SNTG1: variants seen among roughly 807,000 people sequenced by gnomAD.
SNTG1 encodes gamma-1-syntrophin.
A neutral mutation model predicts 74.7 loss-of-function variants in SNTG1; 39 were observed. The ratio of observed to expected loss-of-function variants is 0.52; its 90% confidence interval spans 0.40 to 0.68. The LOEUF (loss-of-function observed/expected upper bound fraction) is 0.68, where lower values mean the gene tolerates loss of function less well. Ranked by LOEUF, SNTG1 falls within the 30% of genes least tolerant of loss-of-function variation. The pLI is 0.00. For missense variants in SNTG1, 685 were observed against 609.5 expected (o/e 1.12, Z -1.30); for synonymous variants, 254 against 217.1 (o/e 1.17, Z -1.49).
At chr8:50,239,073 C>T (rs1403989994) in intron 2 of SNTG1, among the ~76,000 whole-genome samples, 1 of 152,096 alleles carries the variant, frequency 6.6e-6, no homozygotes, top group Non-Finnish European at 1.5e-5. Flanking sequence ...ACACGAAAAC[C>T]AGCTTGGAGA....
chr8:50,782,306 A>T (rs1427393932), intron 18 of SNTG1, among the ~76,000 whole-genome samples: 1 of 152,214 alleles, frequency 6.6e-6, no homozygotes, highest in Non-Finnish European at 1.5e-5. Flanking sequence ...GTGTTTTCCA[A>T]CTTGGTTCCA....
At chr8:50,755,074 G>A (rs958463377) in intron 18 of SNTG1, among the ~76,000 whole-genome samples, 5 of 151,732 alleles carry the variant, frequency 3.3e-5, no homozygotes, top group Non-Finnish European at 7.4e-5. Flanking sequence ...CAGAGGGGGG[G>A]ATGAAGTTAT....
chr8:50,501,330 T>G (rs1263397705), intron 8 of SNTG1, among the ~76,000 whole-genome samples: 1 of 151,912 alleles, frequency 6.6e-6, no homozygotes, highest in African/African-American at 2.4e-5. Flanking sequence ...CTTCTCCTTC[T>G]GTCTTTCAGA....
chr8:50,733,176 T>C (rs1399341000), intron 17 of SNTG1, among the ~76,000 whole-genome samples: 1 of 152,030 alleles, frequency 6.6e-6, no homozygotes, highest in Non-Finnish European at 1.5e-5. Context: ...AATGAGAACA[T>C]GTGGAATTTG....
chr8:50,671,786 A>T (rs1441459357), intron 15 of SNTG1, among the ~76,000 whole-genome samples: 1 of 152,024 alleles, frequency 6.6e-6, no homozygotes, highest in Non-Finnish European at 1.5e-5. Flanking sequence ...AAAGACTTGG[A>T]ACCAAGCCAA....
chr8:50,782,937 TG>T (rs1280859614), intron 18 of SNTG1, among the ~76,000 whole-genome samples: 1 of 152,222 alleles, frequency 6.6e-6, no homozygotes, highest in Non-Finnish European at 1.5e-5. Flanking sequence ...GATCCTCTGC[TG>T]CATGTCTGTT....
chr8:50,476,633 G>A (rs1205749449), intron 8 of SNTG1, among the ~76,000 whole-genome samples: 1 of 152,084 alleles, frequency 6.6e-6, no homozygotes, highest in Non-Finnish European at 1.5e-5. Flanking sequence ...ATAAGTCATT[G>A]CACATAGAAA....
At chr8:50,035,346 A>G (rs1818065292) in intron 1 of SNTG1, among the ~76,000 whole-genome samples, 1 of 151,942 alleles carries the variant, frequency 6.6e-6, no homozygotes. Context: ...TTCTTTTCCA[A>G]CTTCTCATGC....
chr8:50,600,495 A>AT (rs35624394), intron 13 of SNTG1, among the ~76,000 whole-genome samples: 123,011 of 152,018 alleles, frequency 0.81, 50,158 homozygotes, highest in East Asian at 0.91. Flanking sequence ...TTGGTATTGG[A>AT]TTCTTCCTGA....
intron 1 of SNTG1, among the ~76,000 whole-genome samples, chr8:49,919,475 TAA>T (rs1806338536): frequency 6.6e-6 from 1 of 152,264 alleles, no homozygotes; most frequent in Non-Finnish European, 1.5e-5. Flanking sequence ...CCAAGATTTC[TAA>T]GTCACTGAAT....
At chr8:50,038,642 A>G (rs879268275) in intron 1 of SNTG1, among the ~76,000 whole-genome samples, 1 of 152,160 alleles carries the variant, frequency 6.6e-6, no homozygotes, top group Non-Finnish European at 1.5e-5. Context: ...CATCACTCTG[A>G]TTTCAAAGTT....
chr8:49,975,056 A>T (rs766570711), intron 1 of SNTG1, among the ~76,000 whole-genome samples: 2 of 152,166 alleles, frequency 1.3e-5, no homozygotes, highest in Non-Finnish European at 2.9e-5. Flanking sequence ...AAAAGCTGTC[A>T]TGTCCAAACT....
intron 2 of SNTG1, among the ~76,000 whole-genome samples, chr8:50,257,943 A>G (rs2086967860): frequency 6.6e-6 from 1 of 152,248 alleles, no homozygotes; most frequent in Non-Finnish European, 1.5e-5. Context: ...GAGCAGCCAG[A>G]AAGTTAACAT....
rs181784228 is a variant in SNTG1, at chr8:50,726,142, C to T, written c.1284+17164C>T. ...AGCTAACTTCCTAAACCCACATTAA[C>T]ATGTTATTAACCAGGAACTCCTCAT... On this transcript the variant is annotated intron_variant, in intron 17 of 18. Transcript: ENST00000642720. 9.1e-4 allele frequency among the ~76,000 whole-genome samples: 138 copies of T among 152,284 alleles called. 2 individuals carry two copies. Among genetic ancestry groups the T allele is most frequent in the Middle Eastern group, 6.8e-3 (2 of 294 alleles).
intron 15 of SNTG1, among the ~76,000 whole-genome samples, chr8:50,687,986 T>A (rs915884529): frequency 9.2e-5 from 14 of 152,206 alleles, no homozygotes; most frequent in African/African-American, 2.7e-4. Context: ...TGGTTTTAAT[T>A]TGCATTTCTC....
intron 18 of SNTG1, among the ~76,000 whole-genome samples, chr8:50,775,864 C>T (rs10958115): frequency 0.43 from 65,482 of 151,042 alleles, 16,284 homozygotes; most frequent in African/African-American, 0.7. Context: ...ATTAATTAAT[C>T]TGTCTCATTT....
intron 13 of SNTG1, among the ~76,000 whole-genome samples, chr8:50,625,934 C>T (rs79143138): frequency 0.043 from 6,552 of 152,176 alleles, 243 homozygotes; most frequent in African/African-American, 0.095. Context: ...GATGGACACC[C>T]CATGTGTGCT....
At chr8:50,389,400 C>T (rs2131282430) in intron 2 of SNTG1, among the ~76,000 whole-genome samples, 1 of 152,228 alleles carries the variant, frequency 6.6e-6, no homozygotes, top group African/African-American at 2.4e-5. Flanking sequence ...ATGACATGTT[C>T]AGTTTCTACT....
intron 15 of SNTG1, among the ~76,000 whole-genome samples, chr8:50,700,364 A>G (rs745687589): frequency 4.6e-5 from 7 of 152,202 alleles, no homozygotes; most frequent in Non-Finnish European, 7.3e-5. Flanking sequence ...TCTAGTGTCA[A>G]TGATTTTAGA....
Sources: allele counts gnomAD v4.1 joint callset (sites outside exome capture counted in the v4.1 genomes callset), GRCh38; gene constraint gnomAD v4.1.1; transcripts MANE v1.5; gene names NCBI Gene and HGNC (gene_info 2026-07-23, HGNC 2026-07-21).